MORC3: variants seen among roughly 807,000 people sequenced by gnomAD.
MORC3 encodes the protein MORC family CW-type zinc finger 3.
In MORC3, 31 loss-of-function variants were observed where a neutral mutation model predicts 109.1. The ratio of observed to expected loss-of-function variants is 0.28; its 90% confidence interval spans 0.21 to 0.38. The LOEUF (loss-of-function observed/expected upper bound fraction) is 0.38. Ranked by LOEUF, MORC3 falls within the 10% of genes least tolerant of loss-of-function variation. The pLI, the probability that MORC3 is intolerant of heterozygous loss-of-function variation, is 1.00. For synonymous variants in MORC3, 395 were observed against 380.7 expected, an observed-to-expected ratio of 1.04 and a Z score of -0.44; for missense variants, 867 against 1,135.8, an observed-to-expected ratio of 0.76 and a Z score of 3.40.
At chr21:36,338,751 T>C (rs766481040) in intron 4 of MORC3, 23 bp from the exon 5 acceptor site, 1 of 1,580,184 alleles carries the variant, frequency 6.3e-7, no homozygotes, top group South Asian at 1.1e-5. Flanking sequence ...GTTGTCAATC[T>C]GAGTCTTTAA....
At chr21:36,365,727 C>T (rs184468697) in intron 14 of MORC3, among the ~76,000 whole-genome samples, 189 of 152,138 alleles carry the variant, frequency 1.2e-3, no homozygotes, top group African/African-American at 4.4e-3. Context: ...GTTACAGGCA[C>T]GCACCACCAT....
chr21:36,344,116 T>G (rs1034767778), intron 6 of MORC3, among the ~76,000 whole-genome samples: 17 of 152,178 alleles, frequency 1.1e-4, no homozygotes, highest in African/African-American at 3.6e-4. Flanking sequence ...TTTTAAGTTT[T>G]AGTTTTGTGT....
chr21:36,338,471 T>C (rs574717782), intron 4 of MORC3, among the ~76,000 whole-genome samples: 1 of 152,106 alleles, frequency 6.6e-6, no homozygotes, highest in Non-Finnish European at 1.5e-5. Flanking sequence ...AAGGATTGCT[T>C]GAGCCCGGAA....
At chr21:36,328,642 A>AT (rs2085277108) in intron 1 of MORC3, among the ~76,000 whole-genome samples, 2 of 151,836 alleles carry the variant, frequency 1.3e-5, no homozygotes, top group Admixed American at 6.6e-5. Flanking sequence ...CGCCTGGCCA[A>AT]TTTTTTGTAT....
At chr21:36,329,417 G>GT (rs1232324698) in intron 1 of MORC3, among the ~76,000 whole-genome samples, 14 of 152,060 alleles carry the variant, frequency 9.2e-5, no homozygotes, top group Middle Eastern at 3.4e-3. Context: ...ATGAATCAGT[G>GT]TTTTTTTTGG....
At position 36,333,716 on chromosome 21, in the gene MORC3, T is replaced by C; in HGVS notation, c.110T>C (p.Ile37Thr). Residue 37 changes from isoleucine to threonine, a missense_variant and splice_region_variant, in exon 2 of 17, where the codon ATA becomes ACA. This residue lies in a region of MORC3 where 53 missense variants were observed against 130.3 expected (regional missense o/e 0.41). Transcript: ENST00000400485. The stretch of plus-strand genomic sequence containing the variant: ...CCATTCAGTGCAGTTGCTGAATTAA[T>C]AGGTATGTAGTTTGACATTTCATAT... The part of the protein sequence containing the change: ...TWPFSAVAEL[I>T]DNAYDPDVNA... 1 of 1,605,282 alleles carries C rather than the reference T, an allele frequency of 6.2e-7. No homozygotes were observed. The highest frequency in any genetic ancestry group is 1.1e-5 in the South Asian group (1 of 90,474).
chr21:36,349,320 A>G lies in MORC3; in HGVS notation c.1015A>G (p.Met339Val), dbSNP rs1244876526. 4 of 1,603,852 alleles carry G rather than the reference A, an allele frequency of 2.5e-6. No individual in the cohort carries two copies. Among genetic ancestry groups the G allele is most frequent in the East Asian group, 2.2e-5 (1 of 44,636 alleles). The change falls in exon 9 of 17, where the codon ATG (methionine) becomes GTG (valine). Residue 339 changes from methionine (M) to valine (V), a missense_variant. Transcript: ENST00000400485. The stretch of plus-strand genomic sequence containing the variant: ...CATTTTATTTTTTCAGGCAAACAAC[A>G]TGGGTGTTGGAGTGGTTGGAATTAT... The part of the protein sequence containing the change: ...KVGCQLRANN[M>V]GVGVVGIIEC...
At chr21:36,339,195 C>T (rs924586526) in intron 5 of MORC3, 2 of 238,872 alleles carry the variant, frequency 8.4e-6, no homozygotes, top group African/African-American at 4.5e-5. Context: ...TCTCAGCTGA[C>T]TGCAGCCTCC....
At chr21:36,331,609 C>CG (rs1555905210) in intron 1 of MORC3, among the ~76,000 whole-genome samples, 1 of 63,574 alleles carries the variant, frequency 1.6e-5, no homozygotes, top group African/African-American at 9.9e-5. Flanking sequence ...CTCAAAAAAA[C>CG]AAAAAACAAA....
At chr21:36,352,201 A>AT (rs2085580239) in intron 9 of MORC3, among the ~76,000 whole-genome samples, 1 of 152,172 alleles carries the variant, frequency 6.6e-6, no homozygotes, top group Admixed American at 6.6e-5. Context: ...ACTTGCAATT[A>AT]TTTTTAAAAG....
In MORC3 at chr21:36,331,792, G is replaced by A. The variant is rs144151517; in HGVS notation, c.40-1854G>A. On this transcript the variant is annotated intron_variant, in intron 1 of 16. Coordinates refer to ENST00000400485, the MANE Select transcript of MORC3 (RefSeq NM_015358.3). ...ATGCAATGCAAATTTGTTGCATTGC[G>A]TTCAAACGAAAAACCTTAGACAAGT... Among the ~76,000 whole-genome samples the A allele has an allele frequency of 7.2e-5, 11 of 152,234 alleles. No individual in the cohort carries two copies. In the East Asian group the frequency reaches 1.5e-3, roughly 21 times the overall value.
chr21:36,374,085 T>TTAG lies in MORC3; in HGVS notation c.2667-1056_2667-1055insGTA, dbSNP rs1161876930. On this transcript the variant is annotated intron_variant, in intron 16 of 16. Transcript: ENST00000400485. ...TAATAGGATCAGAGCAGTCCTACAA[T>TTAG]TATTATTATTATTATTTTTTTGGAG... Among the ~76,000 whole-genome samples, 3 of 151,732 alleles carry TTAG rather than the reference T, an allele frequency of 2.0e-5. No individual in the cohort carries two copies. The East Asian group carries it at 5.8e-4, about 29-fold the overall frequency.
chr21:36,373,537 C>T (rs919909071), intron 16 of MORC3, among the ~76,000 whole-genome samples: 2 of 151,886 alleles, frequency 1.3e-5, no homozygotes, highest in South Asian at 2.1e-4. Context: ...GCAGGAGAAT[C>T]GCTTGAACCT....
At chr21:36,332,450 A>T (rs1243700350) in intron 1 of MORC3, among the ~76,000 whole-genome samples, 1 of 152,178 alleles carries the variant, frequency 6.6e-6, no homozygotes, top group African/African-American at 2.4e-5. Context: ...AAAAAATAGG[A>T]CAGGCTTCAG....
intron 3 of MORC3, 104 bp downstream of exon 3, chr21:36,337,110 T>G (rs1601516574): frequency 1.5e-6 from 2 of 1,341,050 alleles, no homozygotes; most frequent in Non-Finnish European, 2.1e-6. Context: ...AATGAAATGC[T>G]GTATGTACAG....
At chr21:36,365,946 A>G (rs1300212655) in intron 14 of MORC3, among the ~76,000 whole-genome samples, 3 of 152,154 alleles carry the variant, frequency 2.0e-5, no homozygotes, top group Non-Finnish European at 4.4e-5. Flanking sequence ...CTTTATTAAG[A>G]ACTCATATTT....
In MORC3 at chr21:36,369,686, A is replaced by G. The variant is rs374162238; in HGVS notation, c.2318A>G (p.Tyr773Cys). 42 of 1,614,110 alleles carry G rather than the reference A, an allele frequency of 2.6e-5. No homozygotes were observed. Among genetic ancestry groups the G allele is most frequent in the Non-Finnish European group, 3.3e-5 (39 of 1,180,040 alleles). The change falls in exon 15 of 17, where the codon TAT (tyrosine) becomes TGT (cysteine). Residue 773 changes from tyrosine to cysteine, a missense_variant. Tyr to Cys is a radical substitution (Grantham distance 194). This residue lies in a region of MORC3 where 486 missense variants were observed against 502.1 expected (regional missense o/e 0.97). Transcript: ENST00000400485. ...AGTCCAGACCATATGGTATCTCAGT[A>G]TCAGCAAGCTTTGGAAGAAATAGAA... The part of the protein sequence containing the change: ...SESPDHMVSQ[Y>C]QQALEEIERL...
intron 6 of MORC3, among the ~76,000 whole-genome samples, chr21:36,342,982 A>G (rs932978214): frequency 1.8e-4 from 27 of 151,620 alleles, no homozygotes; most frequent in Non-Finnish European, 4.4e-5. Context: ...CCGCACCATT[A>G]CACTCCAGCC....
intron 1 of MORC3, among the ~76,000 whole-genome samples, chr21:36,324,130 C>A (rs988103837): frequency 6.6e-6 from 1 of 152,182 alleles, no homozygotes; most frequent in African/African-American, 2.4e-5. Context: ...CCGCCCTGGC[C>A]TCCCAAAGTG....
Sources: gnomAD v4.1 joint callset for allele counts (sites outside exome capture counted in the v4.1 genomes callset) on GRCh38, gnomAD v4.1.1 for gene constraint, gnomAD v4.1.1 regional missense constraint, MANE v1.5 for transcripts, NCBI Gene and HGNC (gene_info 2026-07-23, HGNC 2026-07-21) for gene names.